The following AGBL1 variants were observed in gnomAD, a reference collection of about 807,000 sequenced individuals.
AGBL1 encodes the protein cytosolic carboxypeptidase 4.
In AGBL1, 130 loss-of-function variants were observed where a neutral mutation model predicts 118.9. The ratio of observed to expected loss-of-function variants is 1.09; its 90% confidence interval spans 0.95 to 1.26. The LOEUF (loss-of-function observed/expected upper bound fraction) is 1.26. Ranked by LOEUF, AGBL1 falls within the 50% of genes most tolerant of loss-of-function variation. The probability of loss-of-function intolerance (pLI) is 0.00; values close to 1 mark genes in which losing one functional copy is unlikely to be tolerated. For missense variants in AGBL1, 1,584 were observed against 1,298.1 expected (o/e 1.22, Z -3.38); for synonymous variants, 555 against 478.9 (o/e 1.16, Z -2.08).
intron 21 of AGBL1, among the ~76,000 whole-genome samples, chr15:86,597,621 A>T (rs139840719): frequency 6.6e-6 from 1 of 152,322 alleles, no homozygotes; most frequent in East Asian, 1.9e-4. Context: ...ATGGACTTGC[A>T]GTATTCATGT....
At chr15:86,900,324 C>A (rs886791889) in intron 22 of AGBL1, among the ~76,000 whole-genome samples, 1 of 152,154 alleles carries the variant, frequency 6.6e-6, no homozygotes, top group African/African-American at 2.4e-5. Context: ...AGAACCCTGA[C>A]TAATACACGT....
At position 86,912,763 on chromosome 15, in the gene AGBL1, A is replaced by G. The variant is rs923600221; in HGVS notation, c.*5469A>G. 6 of 152,198 alleles carry G rather than the reference A, an allele frequency of 3.9e-5. No individual in the cohort carries two copies. The highest frequency in any genetic ancestry group is 1.4e-4 in the African/African-American group (6 of 41,466). The allele number at this position is 152,198 out of a possible 1,614,324, so 9.4% of individuals were successfully genotyped here. A position where few individuals can be genotyped will look rare whatever the true frequency, so the allele number is the denominator to read the frequency against. On this transcript the variant is annotated 3_prime_UTR_variant, in exon 23 of 23. Coordinates refer to ENST00000614907, the MANE Select transcript of AGBL1 (RefSeq NM_001386094.1). The stretch of plus-strand genomic sequence containing the variant: ...TTAGGGCCACAGAAGAATGACTCGC[A>G]TGGTGGATCTCAGCATTTGGATTTG...
intron 1 of AGBL1, among the ~76,000 whole-genome samples, chr15:86,127,552 C>T (rs566620425): frequency 6.6e-5 from 10 of 151,178 alleles, no homozygotes; most frequent in Non-Finnish European, 1.2e-4. Context: ...GCCACGTGGC[C>T]GAGGGCACGT....
At chr15:86,550,459 A>G (rs1490143873) in intron 20 of AGBL1, among the ~76,000 whole-genome samples, 1 of 152,172 alleles carries the variant, frequency 6.6e-6, no homozygotes, top group Non-Finnish European at 1.5e-5. Flanking sequence ...GCAAATGGTA[A>G]CCATAATAAA....
chr15:86,883,724 C>G lies in AGBL1; in HGVS notation c.3159-23363C>G, dbSNP rs376840294. Among the ~76,000 whole-genome samples the G allele has an allele frequency of 3.9e-5, 6 of 152,198 alleles. No individual in the cohort carries two copies. In the East Asian group the frequency reaches 1.2e-3, roughly 29 times the overall value. On this transcript the variant is annotated intron_variant, in intron 22 of 22. Transcript: ENST00000614907. ...GTGGAAGAAAGGTTGCTTTTCTTTC[C>G]TTCTTCCATTTTTTTTCTAAATTAA...
At chr15:86,200,558 C>A (rs905350623) in intron 5 of AGBL1, among the ~76,000 whole-genome samples, 4 of 143,760 alleles carry the variant, frequency 2.8e-5, no homozygotes, top group Non-Finnish European at 4.6e-5. Context: ...CTACCCCCCC[C>A]CCCCTTTTTT....
intron 23 of AGBL1, among the ~76,000 whole-genome samples, chr15:86,981,189 G>GT (rs2081229128): frequency 6.6e-6 from 1 of 151,964 alleles, no homozygotes; most frequent in Non-Finnish European, 1.5e-5. Context: ...GTATACTTTT[G>GT]TTCACATCTC....
chr15:86,776,692 G>A lies in AGBL1; in HGVS notation c.3158+102256G>A, dbSNP rs372018265. Among the ~76,000 whole-genome samples, 32 of 148,212 alleles carry A rather than the reference G, an allele frequency of 2.2e-4. No homozygotes were observed. The South Asian group carries it at 6.0e-3, about 28-fold the overall frequency. ...TGTTTTGCTTTTATTTGAATGGATA[G>A]CATTCCTGATTCATATTTTATTCTC... On this transcript the variant is annotated intron_variant, in intron 22 of 22. Coordinates refer to ENST00000614907, the MANE Select transcript of AGBL1 (RefSeq NM_001386094.1).
intron 22 of AGBL1, among the ~76,000 whole-genome samples, chr15:86,871,030 A>G (rs566733982): frequency 2.0e-5 from 3 of 152,278 alleles, no homozygotes; most frequent in South Asian, 2.1e-4. Context: ...GTCGCTCACT[A>G]TCTCCCTCAA....
chr15:86,367,289 A>G lies in AGBL1; in HGVS notation c.2375-30077A>G, dbSNP rs541881232. On this transcript the variant is annotated intron_variant, in intron 17 of 22. Transcript: ENST00000614907. The stretch of plus-strand genomic sequence containing the variant: ...CCCTCTGTGTGGAATGTATTTTGTC[A>G]GGGAATTCTAATAGACAGTCTAGTT... 1.2e-4 allele frequency among the ~76,000 whole-genome samples: 19 copies of G among 152,348 alleles called. No individual in the cohort carries two copies. In the East Asian group the frequency reaches 3.7e-3, roughly 29 times the overall value.
chr15:86,880,763 G>A, intron 22 of AGBL1, among the ~76,000 whole-genome samples: 1 of 152,094 alleles, frequency 6.6e-6, no homozygotes, highest in Non-Finnish European at 1.5e-5. Context: ...GGGTGTACAT[G>A]TGTGTATATG....
At chr15:86,550,745 A>G (rs1182409024) in intron 20 of AGBL1, among the ~76,000 whole-genome samples, 3 of 152,060 alleles carry the variant, frequency 2.0e-5, no homozygotes, top group South Asian at 2.1e-4. Flanking sequence ...GACTTAACTT[A>G]CATATAGCAG....
intron 23 of AGBL1, among the ~76,000 whole-genome samples, chr15:86,951,535 T>A (rs907123375): frequency 6.6e-6 from 1 of 152,196 alleles, no homozygotes. Flanking sequence ...TAATCTCATA[T>A]AATGTTGAGT....
intron 1 of AGBL1, among the ~76,000 whole-genome samples, chr15:86,097,584 T>C (rs1896462051): frequency 6.6e-6 from 1 of 151,810 alleles, no homozygotes; most frequent in South Asian, 2.1e-4. Context: ...ACATGCAATA[T>C]TTGTCTTTCT....
intron 11 of AGBL1, 76 bp downstream of exon 11, chr15:86,264,914 T>A: frequency 1.6e-6 from 2 of 1,289,932 alleles, no homozygotes; most frequent in Non-Finnish European, 2.1e-6. Flanking sequence ...TTTGTACAGA[T>A]AATTCTACTA....
chr15:86,625,261 C>T (rs2084865796), intron 21 of AGBL1, among the ~76,000 whole-genome samples: 1 of 151,636 alleles, frequency 6.6e-6, no homozygotes, highest in Non-Finnish European at 1.5e-5. Context: ...ATCCTTTCAA[C>T]TTCTGAACAT....
intron 20 of AGBL1, among the ~76,000 whole-genome samples, chr15:86,550,031 A>T (rs910232226): frequency 2.6e-4 from 40 of 152,134 alleles, no homozygotes; most frequent in Non-Finnish European, 4.6e-4. Context: ...TAATTTGATG[A>T]TTAACCCCAA....
intron 21 of AGBL1, among the ~76,000 whole-genome samples, chr15:86,653,539 T>A (rs900710186): frequency 1.4e-4 from 21 of 152,150 alleles, no homozygotes; most frequent in Non-Finnish European, 2.9e-5. Flanking sequence ...TGGTTCTTTT[T>A]TATAAACCGT....
intron 17 of AGBL1, among the ~76,000 whole-genome samples, chr15:86,357,268 T>C (rs1235725680): frequency 6.6e-6 from 1 of 152,226 alleles, no homozygotes; most frequent in Non-Finnish European, 1.5e-5. Context: ...TTCTTCCAGT[T>C]AGAAGAATCT....
Sources: gnomAD v4.1 joint callset for allele counts (sites outside exome capture counted in the v4.1 genomes callset) on GRCh38, gnomAD v4.1.1 for gene constraint, MANE v1.5 for transcripts, NCBI Gene and HGNC (gene_info 2026-07-23, HGNC 2026-07-21) for gene names.